Variants in SLC44A5 observed in about 807,000 individuals in gnomAD.
The protein encoded by SLC44A5 is solute carrier family 44 member 5, also known as choline transporter-like protein 5.
SLC44A5 carries 57 observed loss-of-function variants against 101.8 expected under a neutral mutation model. That is an observed-to-expected ratio of 0.56 (90% CI 0.45 to 0.70). SLC44A5 has a LOEUF of 0.70. SLC44A5 is among the 30% of genes least tolerant of loss of function. SLC44A5 has a pLI of 0.00. For synonymous variants in SLC44A5, 281 were observed against 290.9 expected (o/e 0.97, Z 0.35); for missense variants, 737 against 853.1 (o/e 0.86, Z 1.70).
At chr1:75,236,654 A>G (rs552548498) in intron 11 of SLC44A5, among the ~76,000 whole-genome samples, 1 of 152,222 alleles carries the variant, frequency 6.6e-6, no homozygotes, top group Admixed American at 6.5e-5. Context: ...GTAGCATGTG[A>G]TGAGAAGCAC....
chr1:75,260,538 C>A (rs549977229), intron 6 of SLC44A5, among the ~76,000 whole-genome samples: 5 of 152,160 alleles, frequency 3.3e-5, no homozygotes, highest in Non-Finnish European at 5.9e-5. Flanking sequence ...TTATTAGAGA[C>A]CTACAAAGAG....
At chr1:75,478,673 A>G (rs1255795647) in intron 2 of SLC44A5, among the ~76,000 whole-genome samples, 1 of 152,188 alleles carries the variant, frequency 6.6e-6, no homozygotes, top group Non-Finnish European at 1.5e-5. Flanking sequence ...ACATAATGGT[A>G]AAGGGATCAA....
At chr1:75,482,437 A>T (rs1198208097) in intron 2 of SLC44A5, among the ~76,000 whole-genome samples, 1 of 151,994 alleles carries the variant, frequency 6.6e-6, no homozygotes, top group African/African-American at 2.4e-5. Flanking sequence ...AAAATAAAAA[A>T]TAAAAAAAAA....
At chr1:75,687,908 C>A in the SLC44A5 span, among the ~76,000 whole-genome samples, 1 of 152,286 alleles carries the variant, frequency 6.6e-6, no homozygotes, top group East Asian at 1.9e-4. Context: ...CTTGTCATCC[C>A]CATTTTAGGA....
chr1:75,713,571 GC>G, the SLC44A5 span, among the ~76,000 whole-genome samples: 1 of 152,138 alleles, frequency 6.6e-6, no homozygotes, highest in Admixed American at 6.5e-5. Context: ...AGGGAGAGAT[GC>G]GGTGGAGGCC....
At chr1:75,660,942 C>T in the SLC44A5 span, among the ~76,000 whole-genome samples, 1 of 152,024 alleles carries the variant, frequency 6.6e-6, no homozygotes, top group Non-Finnish European at 1.5e-5. Context: ...TAATGCTATC[C>T]TTATCAAAAT....
At chr1:75,541,382 T>C (rs1671348084) in intron 2 of SLC44A5, 53 bp downstream of exon 2, 2 of 1,297,164 alleles carry the variant, frequency 1.5e-6, no homozygotes, top group Middle Eastern at 2.0e-4. Flanking sequence ...TAAAAAAGAA[T>C]ATTTGGCACA....
chr1:75,400,744 T>G (rs1662427101), intron 2 of SLC44A5, among the ~76,000 whole-genome samples: 1 of 152,166 alleles, frequency 6.6e-6, no homozygotes, highest in Non-Finnish European at 1.5e-5. Context: ...CTACCTTGCT[T>G]CTGCCAACCC....
At chr1:75,424,713 AG>A (rs1664204262) in intron 2 of SLC44A5, among the ~76,000 whole-genome samples, 5 of 152,242 alleles carry the variant, frequency 3.3e-5, no homozygotes, top group Admixed American at 2.6e-4. Context: ...TGGACACCTA[AG>A]AAGATGAAAG....
chr1:75,721,468 C>T, the SLC44A5 span, among the ~76,000 whole-genome samples: 1 of 152,138 alleles, frequency 6.6e-6, no homozygotes, highest in Admixed American at 6.5e-5. Flanking sequence ...ATGTATAGCC[C>T]AAGACAATTC....
At chr1:75,549,982 A>G (rs1271420688) in intron 1 of SLC44A5, among the ~76,000 whole-genome samples, 22 of 152,082 alleles carry the variant, frequency 1.4e-4, no homozygotes, top group Admixed American at 3.3e-4. Context: ...GGGCCATGGG[A>G]AAGCATTTTA....
chr1:75,413,700 C>A (rs1166430165), intron 2 of SLC44A5, among the ~76,000 whole-genome samples: 1 of 152,158 alleles, frequency 6.6e-6, no homozygotes, highest in Non-Finnish European at 1.5e-5. Flanking sequence ...CACAGAATAG[C>A]CCACAATAGA....
intron 1 of SLC44A5, among the ~76,000 whole-genome samples, chr1:75,591,594 A>G (rs1175245005): frequency 2.0e-5 from 3 of 152,188 alleles, no homozygotes; most frequent in African/African-American, 2.4e-5. Flanking sequence ...CTACAGGCCA[A>G]TATCTCTGGT....
At chr1:75,417,633 A>G (rs2101543783) in intron 2 of SLC44A5, among the ~76,000 whole-genome samples, 1 of 152,354 alleles carries the variant, frequency 6.6e-6, no homozygotes, top group East Asian at 1.9e-4. Flanking sequence ...AGATCTCCAG[A>G]TGAAAGTGTC....
chr1:75,708,413 CAAAAAAAAAAAA>C, the SLC44A5 span, among the ~76,000 whole-genome samples: 3 of 39,060 alleles, frequency 7.7e-5, no homozygotes, highest in African/African-American at 2.2e-4. Flanking sequence ...GACTCCGTCT[CAAAAAAAAAAAA>C]AAAAAAAAAA....
chr1:75,539,137 A>G (rs111576464), intron 2 of SLC44A5, among the ~76,000 whole-genome samples: 36 of 152,262 alleles, frequency 2.4e-4, no homozygotes, highest in African/African-American at 8.7e-4. Flanking sequence ...TCACATTGTT[A>G]TTATTATCCA....
At chr1:75,384,006 T>C (rs1225359758) in intron 3 of SLC44A5, among the ~76,000 whole-genome samples, 1 of 151,500 alleles carries the variant, frequency 6.6e-6, no homozygotes, top group African/African-American at 2.4e-5. Context: ...AAGCAAATGC[T>C]GAGAGATTTT....
intron 3 of SLC44A5, among the ~76,000 whole-genome samples, chr1:75,359,815 A>G (rs1659357926): frequency 6.6e-6 from 1 of 152,158 alleles, no homozygotes; most frequent in Non-Finnish European, 1.5e-5. Context: ...GCTTTTCTCT[A>G]CATCCTCACC....
intron 1 of SLC44A5, among the ~76,000 whole-genome samples, chr1:75,555,440 C>T (rs1344063769): frequency 3.7e-5 from 5 of 135,872 alleles, no homozygotes; most frequent in African/African-American, 1.3e-4. Flanking sequence ...TATACCTAAA[C>T]AAAATTGACT....
Sources: allele counts gnomAD v4.1 joint callset (sites outside exome capture counted in the v4.1 genomes callset), GRCh38; gene constraint gnomAD v4.1.1; transcripts MANE v1.5; gene names NCBI Gene and HGNC (gene_info 2026-07-23, HGNC 2026-07-21).